MYH2: variants seen among roughly 807,000 people sequenced by gnomAD.
MYH2 encodes myosin heavy chain 2.
MYH2 carries 139 observed loss-of-function variants against 228.1 expected under a neutral mutation model. The ratio of observed to expected loss-of-function variants is 0.61; its 90% CI spans 0.53 to 0.70. The LOEUF is 0.70. Ranked by LOEUF, MYH2 falls within the 30% of genes least tolerant of loss-of-function variation. The pLI, the probability that MYH2 is intolerant of heterozygous loss-of-function variation, is 0.00. For synonymous variants in MYH2, 796 were observed against 871.1 expected, an observed-to-expected ratio of 0.91 and a Z score of 1.52; for missense variants, 1,809 against 2,357.5, an observed-to-expected ratio of 0.77 and a Z score of 4.82.
At chr17:10,545,705 C>T (rs551467925) in intron 4 of MYH2, among the ~76,000 whole-genome samples, 2 of 152,140 alleles carry the variant, frequency 1.3e-5, no homozygotes, top group Admixed American at 1.3e-4. Flanking sequence ...GCTGGTACTA[C>T]AGGCATGCAT....
At position 10,529,601 on chromosome 17, in the gene MYH2, G is replaced by C. The variant is rs1453813309; in HGVS notation, c.3080C>G (p.Thr1027Ser). The C allele has an allele frequency of 6.2e-7, 1 of 1,614,058 alleles. No homozygotes were observed. The highest frequency in any genetic ancestry group is 1.3e-5 in the African/African-American group (1 of 75,008). ...QAEEDKVNTL[T>S]KAKIKLEQQV... The stretch of plus-strand genomic sequence containing the variant: ...TTGTTCAAGTTTGATTTTAGCTTTG[G>C]TCAGGGTGTTGACTTTGTCCTCCTC... Residue 1027 changes from threonine (T) to serine (S), a missense_variant, in exon 24 of 40, where the codon ACC (threonine) becomes AGC (serine). Around this residue, in one of 9 missense-constraint regions of MYH2, gnomAD observed 636 missense variants for 729.9 expected, o/e 0.87. Transcript: ENST00000245503.
rs1295871409 is a variant in MYH2 at position 10,527,061 on chromosome 17, T to C, written c.3872-5A>G. 6.2e-7 allele frequency: 1 copy of C among 1,612,728 alleles called. No individual in the cohort carries two copies. The highest frequency in any genetic ancestry group is 8.5e-7 in the Non-Finnish European group (1 of 1,178,778). ...CAAGCTGGCGTGAAAACTCACCTGA[T>C]GGACAAAAGAAATGGCACCATTTTT... On this transcript the variant is annotated splice_region_variant and splice_polypyrimidine_tract_variant and intron_variant, in intron 28 of 39. Transcript: ENST00000245503.
chr17:10,523,023 G>T, intron 39 of MYH2, 67 bp downstream of exon 39: 1 of 1,137,922 alleles, frequency 8.8e-7, no homozygotes, highest in Non-Finnish European at 1.3e-6. Flanking sequence ...CAAACAGCTT[G>T]TTCACTACAA....
At chr17:10,538,569 C>CA (rs1246447756) in intron 14 of MYH2, among the ~76,000 whole-genome samples, 1 of 150,260 alleles carries the variant, frequency 6.7e-6, no homozygotes, top group African/African-American at 2.5e-5. Flanking sequence ...GGCGTGAACC[C>CA]AGGAGGCGGA....
intron 4 of MYH2, among the ~76,000 whole-genome samples, chr17:10,546,054 T>C (rs1289213781): frequency 6.6e-6 from 1 of 151,804 alleles, no homozygotes; most frequent in East Asian, 1.9e-4. Flanking sequence ...CTTTGCAGCA[T>C]TAAGATAATT....
rs1248538041 is a variant in MYH2 at position 10,525,828 on chromosome 17, A to C, written c.4236T>G (p.Ala1412=). The C allele has an allele frequency of 1.6e-5, 26 of 1,614,088 alleles. No homozygotes were observed. The highest frequency in any genetic ancestry group is 2.1e-5 in the Non-Finnish European group (25 of 1,180,042). Residue 1412 remains alanine (A), a synonymous_variant, in exon 31 of 40, where the codon GCT becomes GCG. Transcript: ENST00000245503. The surrounding 1 kb of genome is among the most constrained non-coding windows in gnomAD (Gnocchi z 4.2). ...CGAGGGAAGCACATTTGGCGTTCAC[A>C]GCTTCTACATGTTCCTCAGCTGCCT... ...RLQAAEEHVE[A]VNAKCASLEK...
At chr17:10,540,797 T>C in intron 10 of MYH2, 100 bp from the exon 11 acceptor site, 1 of 1,007,468 alleles carries the variant, frequency 9.9e-7, no homozygotes, top group Admixed American at 2.0e-5. Context: ...TTGTGGGAAC[T>C]CAGGGACCCC....
rs2073318096 is a variant in MYH2 at position 10,524,024 on chromosome 17, T to C, written c.5176-140A>G. 3.8e-6 allele frequency: 3 copies of C among 790,894 alleles called. No homozygotes were observed. The highest frequency in any genetic ancestry group is 3.9e-6 in the Non-Finnish European group (2 of 511,796). 49.0% of individuals were successfully genotyped at this position (790,894 alleles called of 1,614,324 possible). A position where few individuals can be genotyped will look rare whatever the true frequency, so the allele number is the denominator to read the frequency against. ...ATTAAAGAATTAAAGGATTGTGTTATGTAATATGATTAAATAAAATATAAA... is the reference window on the plus strand; with the variant it reads ...ATTAAAGAATTAAAGGATTGTGTTACGTAATATGATTAAATAAAATATAAA... On this transcript the variant is annotated intron_variant, in intron 35 of 39. Transcript: ENST00000245503. This position sits in a 1 kb window ranked among gnomAD's most constrained non-coding sequence, Gnocchi z 4.7.
Position 10,545,522 on chromosome 17 carries a change from T to C in MYH2, c.349-20A>G, listed in dbSNP as rs773440062. 6.2e-7 allele frequency: 1 copy of C among 1,613,594 alleles called. No individual in the cohort carries two copies. The highest frequency in any genetic ancestry group is 8.5e-7 in the Non-Finnish European group (1 of 1,179,520). On this transcript the variant is annotated intron_variant, in intron 4 of 39. Coordinates refer to ENST00000245503, the MANE Select transcript of MYH2 (RefSeq NM_017534.6). ...ATAGGTCTATGAGAAGGAAAAAGAA[T>C]AAGTACCCAAAGACCTTTCCTGTTA...
chr17:10,547,968 A>G, intron 2 of MYH2, 28 bp from the exon 3 acceptor site: 1 of 1,586,820 alleles, frequency 6.3e-7, no homozygotes, highest in Non-Finnish European at 8.6e-7. Context: ...TTCACATTAG[A>G]GAGTCTGGAT....
At chr17:10,536,643 T>G (rs2142309720) in intron 16 of MYH2, 37 bp from the exon 17 acceptor site, 1 of 1,578,678 alleles carries the variant, frequency 6.3e-7, no homozygotes, top group South Asian at 1.1e-5. Context: ...CTGTTTTGAA[T>G]TGGCAGGGCT....
intron 17 of MYH2, 53 bp downstream of exon 17, chr17:10,536,477 G>T (rs2073483097): frequency 1.3e-6 from 2 of 1,492,204 alleles, no homozygotes; most frequent in Non-Finnish European, 9.3e-7. Flanking sequence ...ACAGACCCAT[G>T]TAAAAAAAAT....
chr17:10,523,576 C>A lies in MYH2; in HGVS notation c.5392G>T (p.Asp1798Tyr), dbSNP rs770774858. The A allele has an allele frequency of 6.2e-7, 1 of 1,614,234 alleles. No homozygotes were observed. Among genetic ancestry groups the A allele is most frequent in the Admixed American group, 1.7e-5 (1 of 60,024 alleles). Residue 1798 changes from aspartate to tyrosine, a missense_variant, in exon 37 of 40, where the codon GAT (aspartate) becomes TAT (tyrosine). Around this residue, in one of 9 missense-constraint regions of MYH2, gnomAD observed 278 missense variants for 308.5 expected, o/e 0.90. Coordinates refer to ENST00000245503, the MANE Select transcript of MYH2 (RefSeq NM_017534.6). The part of the protein sequence containing the change: ...MKKNMEQTVK[D>Y]LQLRLDEAEQ... Reference sequence around the variant, plus strand: ...GCCTCATCCAGACGGAGCTGCAGATCCTTCACGGTCTGCTCCATGTTCTTC... The same window carrying A: ...GCCTCATCCAGACGGAGCTGCAGATACTTCACGGTCTGCTCCATGTTCTTC...
chr17:10,547,641 G>A (rs376845554), intron 3 of MYH2, 23 bp from the exon 4 acceptor site: 66 of 1,614,082 alleles, frequency 4.1e-5, no homozygotes, highest in East Asian at 6.7e-5. Context: ...AAAGATAACC[G>A]TTTACATTAA....
At chr17:10,530,651 G>C (rs2142301866) in intron 22 of MYH2, among the ~76,000 whole-genome samples, 1 of 152,222 alleles carries the variant, frequency 6.6e-6, no homozygotes, top group South Asian at 2.1e-4. Flanking sequence ...AGGGGGACAG[G>C]GCAGGCGGGA....
chr17:10,548,684 TA>T (rs1237890258), intron 2 of MYH2, among the ~76,000 whole-genome samples: 2 of 152,218 alleles, frequency 1.3e-5, no homozygotes, highest in African/African-American at 4.8e-5. Context: ...CTCATTCTTC[TA>T]CATCTAAGGG....
chr17:10,527,162 G>A (rs2073366175), intron 28 of MYH2, 106 bp from the exon 29 acceptor site: 1 of 999,540 alleles, frequency 1.0e-6, no homozygotes. Context: ...TGAGTGCTCA[G>A]ATGGTTGAAT....
At position 10,540,624 on chromosome 17, in the gene MYH2, G is replaced by A. The variant is rs1001051198; in HGVS notation, c.978C>T (p.Ile326=). The change falls in exon 11 of 40, where the codon ATC becomes ATT. Residue 326 remains isoleucine (I), a synonymous_variant. Coordinates refer to ENST00000245503, the MANE Select transcript of MYH2 (RefSeq NM_017534.6). ...TGGCCATCAGTTCTTCCTGATCATC[G>A]ATGCTGGCCACACTGATCTCCCCTT... The part of the protein sequence containing the change: ...VSQGEISVAS[I]DDQEELMATD... The A allele has an allele frequency of 3.1e-6, 5 of 1,613,306 alleles. No homozygotes were observed. The highest frequency in any genetic ancestry group is 1.1e-5 in the South Asian group (1 of 91,054).
intron 27 of MYH2, 40 bp from the exon 28 acceptor site, chr17:10,527,914 T>C: frequency 6.2e-7 from 1 of 1,602,202 alleles, no homozygotes; most frequent in East Asian, 2.2e-5. Context: ...AGAGACCTTT[T>C]AAGCGAATAA....
Sources: gnomAD v4.1 joint callset for allele counts (sites outside exome capture counted in the v4.1 genomes callset) on GRCh38, gnomAD v4.1.1 for gene constraint, gnomAD v4.1.1 regional missense constraint, Gnocchi (gnomAD v3.1) non-coding constraint, MANE v1.5 for transcripts, NCBI Gene and HGNC (gene_info 2026-07-23, HGNC 2026-07-21) for gene names.